USP24: variants seen among roughly 807,000 people sequenced by gnomAD.
USP24 encodes ubiquitin carboxyl-terminal hydrolase 24.
USP24 carries 97 observed loss-of-function variants against 361.6 expected under a neutral mutation model. The ratio of observed to expected loss-of-function variants is 0.27; its 90% CI spans 0.23 to 0.32. USP24 has a LOEUF of 0.32. Ranked by LOEUF, USP24 falls within the 10% of genes least tolerant of loss-of-function variation. The probability of loss-of-function intolerance (pLI) is 1.00; values close to 1 mark genes in which losing one functional copy is unlikely to be tolerated. For synonymous variants in USP24, 1,098 were observed against 1,124.6 expected, an observed-to-expected ratio of 0.98 and a Z score of 0.47; for missense variants, 2,353 against 3,165.6, an observed-to-expected ratio of 0.74 and a Z score of 6.16.
chr1:55,162,851 A>AT (rs2100770339), intron 7 of USP24, among the ~76,000 whole-genome samples: 1 of 152,286 alleles, frequency 6.6e-6, no homozygotes, highest in East Asian at 1.9e-4. Flanking sequence ...ACAATAAAAA[A>AT]TTTTTTTAGA....
chr1:55,143,788 T>G (rs1193601357), intron 21 of USP24, among the ~76,000 whole-genome samples: 1 of 152,172 alleles, frequency 6.6e-6, no homozygotes, highest in African/African-American at 2.4e-5. Flanking sequence ...ACATGTGAAT[T>G]GCTGGATCTG....
chr1:55,082,978 G>A lies in USP24; in HGVS notation c.6975+294C>T, dbSNP rs908477083. On this transcript the variant is annotated intron_variant, in intron 58 of 67. Transcript: ENST00000294383. ...CAGCCTTGTTCACAGCCCCAGAGAG[G>A]AAGTAGAAGACCCCAATACCACCTA... 1.2e-4 allele frequency among the ~76,000 whole-genome samples: 18 copies of A among 151,934 alleles called. No individual in the cohort carries two copies. The South Asian group carries it at 1.7e-3, about 14-fold the overall frequency.
At chr1:55,090,146 T>A (rs1310879435) in intron 54 of USP24, among the ~76,000 whole-genome samples, 2 of 152,220 alleles carry the variant, frequency 1.3e-5, no homozygotes, top group African/African-American at 4.8e-5. Flanking sequence ...TTTTTATGCT[T>A]TATTGCTAAA....
At chr1:55,137,957 A>C in intron 26 of USP24, 53 bp from the exon 27 acceptor site, 1 of 1,513,650 alleles carries the variant, frequency 6.6e-7, no homozygotes, top group South Asian at 1.2e-5. Flanking sequence ...TTATTCATTT[A>C]AACAACTGTG....
intron 5 of USP24, among the ~76,000 whole-genome samples, chr1:55,169,437 T>C (rs936458183): frequency 1.3e-5 from 2 of 152,130 alleles, no homozygotes; most frequent in South Asian, 2.1e-4. Context: ...ATTTCCAGAA[T>C]TGATGTAAGA....
At chr1:55,164,515 C>T (rs929712340) in intron 7 of USP24, among the ~76,000 whole-genome samples, 21 of 152,096 alleles carry the variant, frequency 1.4e-4, no homozygotes, top group African/African-American at 4.8e-4. Context: ...AAATTCAGCA[C>T]GTGTGAATTC....
chr1:55,126,674 G>A (rs971042494), intron 32 of USP24, among the ~76,000 whole-genome samples: 10 of 152,242 alleles, frequency 6.6e-5, no homozygotes, highest in African/African-American at 2.4e-4. Flanking sequence ...CACCTCTACA[G>A]TGTGGAACAC....
At chr1:55,192,755 T>C (rs1293363388) in intron 1 of USP24, among the ~76,000 whole-genome samples, 1 of 152,238 alleles carries the variant, frequency 6.6e-6, no homozygotes, top group Non-Finnish European at 1.5e-5. Flanking sequence ...CCTAAAATAT[T>C]GCTTCCTGGA....
intron 35 of USP24, 68 bp from the exon 36 acceptor site, chr1:55,123,670 C>T (rs979065612): frequency 7.0e-7 from 1 of 1,421,628 alleles, no homozygotes; most frequent in Non-Finnish European, 9.3e-7. Context: ...AATCTTTTTA[C>T]TATATGTTCC....
chr1:55,094,791 G>C (rs1645459274), intron 51 of USP24, among the ~76,000 whole-genome samples: 1 of 151,544 alleles, frequency 6.6e-6, no homozygotes, highest in Admixed American at 6.6e-5. Context: ...TTGAGCCCAG[G>C]AGTTCCAGAC....
chr1:55,171,479 T>C (rs1413968591), intron 5 of USP24, 77 bp downstream of exon 5: 2 of 1,487,464 alleles, frequency 1.3e-6, no homozygotes, highest in Non-Finnish European at 1.8e-6. Context: ...CCCATGTAAC[T>C]TGTCTTTTTT....
chr1:55,092,687 A>G, intron 53 of USP24, 134 bp downstream of exon 53: 1 of 644,900 alleles, frequency 1.6e-6, no homozygotes, highest in Non-Finnish European at 2.6e-6. Context: ...TACGGGCTAC[A>G]TTCACGGGAA....
At chr1:55,188,964 C>CAAAAAAAAAAAAAAAAAAAAAA (rs533085761) in intron 1 of USP24, among the ~76,000 whole-genome samples, 2 of 74,418 alleles carry the variant, frequency 2.7e-5, no homozygotes, top group African/African-American at 1.4e-4. Context: ...AACTCCATCT[C>CAAAAAAAAAAAAAAAAAAAAAA]AAAAAAAAAA....
intron 38 of USP24, among the ~76,000 whole-genome samples, chr1:55,116,485 C>T (rs1219113699): frequency 2.6e-5 from 4 of 151,796 alleles, no homozygotes; most frequent in Admixed American, 6.6e-5. Flanking sequence ...AAAGTGGGTA[C>T]ATAACTACCA....
chr1:55,150,727 A>G (rs1157699872), intron 16 of USP24, among the ~76,000 whole-genome samples: 2 of 152,244 alleles, frequency 1.3e-5, no homozygotes, highest in African/African-American at 4.8e-5. Flanking sequence ...CTAAAATTTA[A>G]GAATTATTTC....
chr1:55,117,776 A>G (rs1163151749), intron 38 of USP24, among the ~76,000 whole-genome samples: 2 of 145,292 alleles, frequency 1.4e-5, no homozygotes, highest in Admixed American at 1.4e-4. Flanking sequence ...AGAAACTGTT[A>G]GAACTAATAA....
At chr1:55,209,366 T>C (rs938838886) in intron 1 of USP24, among the ~76,000 whole-genome samples, 6 of 152,188 alleles carry the variant, frequency 3.9e-5, no homozygotes, top group Non-Finnish European at 5.9e-5. Context: ...TGTGACATCA[T>C]TGAAAACACA....
chr1:55,127,275 T>C (rs1646459083), intron 32 of USP24, among the ~76,000 whole-genome samples: 2 of 152,086 alleles, frequency 1.3e-5, no homozygotes, highest in Admixed American at 1.3e-4. Context: ...TGTCCATGTG[T>C]TCTCATTGTT....
intron 36 of USP24, among the ~76,000 whole-genome samples, chr1:55,121,768 C>T (rs1218149351): frequency 6.6e-6 from 1 of 152,196 alleles, no homozygotes; most frequent in African/African-American, 2.4e-5. Context: ...GAATAAATGT[C>T]TTGCCTTGAT....
Sources: allele counts gnomAD v4.1 joint callset (sites outside exome capture counted in the v4.1 genomes callset), GRCh38; gene constraint gnomAD v4.1.1; transcripts MANE v1.5; gene names NCBI Gene and HGNC (gene_info 2026-07-23, HGNC 2026-07-21).